PDGFC: variants seen among roughly 807,000 people sequenced by gnomAD.
The protein encoded by PDGFC is platelet-derived growth factor C.
PDGFC carries 12 observed loss-of-function variants against 35.5 expected under a neutral mutation model. That is an observed-to-expected ratio of 0.34 (90% confidence interval 0.22 to 0.55). The LOEUF (loss-of-function observed/expected upper bound fraction) is 0.55. Ranked by LOEUF, PDGFC falls within the 20% of genes least tolerant of loss-of-function variation. PDGFC has a pLI of 0.91. For synonymous variants in PDGFC, 159 were observed against 148.8 expected (o/e 1.07, Z -0.50); for missense variants, 322 against 412.4 (o/e 0.78, Z 1.90).
intron 1 of PDGFC, among the ~76,000 whole-genome samples, chr4:156,954,971 C>T (rs536836188): frequency 3.4e-4 from 52 of 152,100 alleles, no homozygotes; most frequent in African/African-American, 1.2e-3. Flanking sequence ...ACATTTTATT[C>T]TCTGACACTT....
chr4:156,899,909 G>C (rs1730725368), intron 1 of PDGFC, among the ~76,000 whole-genome samples: 1 of 152,120 alleles, frequency 6.6e-6, no homozygotes, highest in African/African-American at 2.4e-5. Context: ...TATTTTAGTA[G>C]ACCTTTCTGC....
At chr4:156,831,439 C>CTT (rs34254264) in intron 2 of PDGFC, among the ~76,000 whole-genome samples, 1,938 of 99,216 alleles carry the variant, frequency 0.02, 132 homozygotes, top group African/African-American at 0.057. Context: ...GAGACCCTGT[C>CTT]TTTTTTTTTT....
intron 1 of PDGFC, among the ~76,000 whole-genome samples, chr4:156,885,149 GCATA>G (rs35354569): frequency 0.053 from 7,312 of 137,410 alleles, 540 homozygotes; most frequent in African/African-American, 0.2. Flanking sequence ...GCATGTATGT[GCATA>G]CATACACACA....
intron 1 of PDGFC, among the ~76,000 whole-genome samples, chr4:156,924,882 G>A (rs1051342149): frequency 4.6e-5 from 7 of 152,048 alleles, no homozygotes; most frequent in Non-Finnish European, 7.4e-5. Context: ...TCTTTTTGCT[G>A]GGCAGCAAAA....
chr4:156,969,891 A>C (rs1477315505), intron 1 of PDGFC, among the ~76,000 whole-genome samples: 1 of 152,232 alleles, frequency 6.6e-6, no homozygotes, highest in Non-Finnish European at 1.5e-5. Context: ...CTATTTACAA[A>C]GTATTCTCAA....
At chr4:156,787,553 G>T (rs889402357) in intron 3 of PDGFC, among the ~76,000 whole-genome samples, 1 of 152,158 alleles carries the variant, frequency 6.6e-6, no homozygotes, top group Non-Finnish European at 1.5e-5. Flanking sequence ...GCTGGATGAC[G>T]ATGTGGGATC....
intron 3 of PDGFC, among the ~76,000 whole-genome samples, chr4:156,805,957 C>G (rs1190570004): frequency 6.6e-6 from 1 of 151,934 alleles, no homozygotes; most frequent in South Asian, 2.1e-4. Flanking sequence ...CTGGCCAGTA[C>G]GCCGTCTGAA....
At chr4:156,799,246 A>C (rs1731530779) in intron 3 of PDGFC, among the ~76,000 whole-genome samples, 1 of 152,276 alleles carries the variant, frequency 6.6e-6, no homozygotes, top group Middle Eastern at 3.4e-3. Flanking sequence ...TTTTATTCAC[A>C]CTTACACAAA....
At chr4:156,962,002 T>C (rs1295801284) in intron 1 of PDGFC, among the ~76,000 whole-genome samples, 1 of 152,138 alleles carries the variant, frequency 6.6e-6, no homozygotes, top group Non-Finnish European at 1.5e-5. Context: ...CAACAAGTAG[T>C]TATCTGCACA....
intron 3 of PDGFC, among the ~76,000 whole-genome samples, chr4:156,786,098 C>T (rs2110863831): frequency 6.6e-6 from 1 of 152,256 alleles, no homozygotes; most frequent in African/African-American, 2.4e-5. Flanking sequence ...CACTAATAGG[C>T]TCTTGATTAT....
At chr4:156,809,438 A>G (rs1731868234) in intron 3 of PDGFC, among the ~76,000 whole-genome samples, 1 of 152,036 alleles carries the variant, frequency 6.6e-6, no homozygotes, top group Admixed American at 6.6e-5. Context: ...CACAAGTCTT[A>G]TGAATCTGAC....
At chr4:156,794,286 G>T (rs1731380519) in intron 3 of PDGFC, among the ~76,000 whole-genome samples, 1 of 152,030 alleles carries the variant, frequency 6.6e-6, no homozygotes, top group Admixed American at 6.5e-5. Flanking sequence ...GAAGAGCATG[G>T]TATATATTAG....
chr4:156,788,111 C>T (rs1731179660), intron 3 of PDGFC, among the ~76,000 whole-genome samples: 1 of 151,994 alleles, frequency 6.6e-6, no homozygotes, highest in Non-Finnish European at 1.5e-5. Context: ...TGAGTATTTC[C>T]AGAGCGTTCT....
At chr4:156,930,864 C>CA (rs780778365) in intron 1 of PDGFC, among the ~76,000 whole-genome samples, 130 of 151,530 alleles carry the variant, frequency 8.6e-4, no homozygotes, top group Admixed American at 1.8e-3. Context: ...AACTCTGTCT[C>CA]AAAAAAATAA....
Position 156,819,401 on chromosome 4 carries a change from G to A in PDGFC, c.315-8384C>T, listed in dbSNP as rs181047528. ...CCCTTGTTAGGGGCTAATGCATCTG[G>A]TGACTTTACGTTGAAGCTAATGCTC... On this transcript the variant is annotated intron_variant, in intron 2 of 5. Transcript: ENST00000502773. Among the ~76,000 whole-genome samples the A allele has an allele frequency of 3.3e-5, 5 of 152,252 alleles. No individual in the cohort carries two copies. The East Asian group carries it at 7.7e-4, about 24-fold the overall frequency.
chr4:156,905,066 T>C (rs1186548504), intron 1 of PDGFC, among the ~76,000 whole-genome samples: 1 of 152,120 alleles, frequency 6.6e-6, no homozygotes, highest in Non-Finnish European at 1.5e-5. Flanking sequence ...ACTATGGGAT[T>C]GGTAAAACCA....
At chr4:156,799,348 A>G (rs1160516859) in intron 3 of PDGFC, among the ~76,000 whole-genome samples, 1 of 152,080 alleles carries the variant, frequency 6.6e-6, no homozygotes, top group Non-Finnish European at 1.5e-5. Flanking sequence ...TTCCCCCCTC[A>G]GTTTTCTGAG....
rs373648568 is a variant in PDGFC, at chr4:156,907,255, GT to G, written c.119-56840del. 2.7e-3 allele frequency among the ~76,000 whole-genome samples: 407 copies of G among 152,170 alleles called. 4 individuals are homozygous for G. Among genetic ancestry groups the G allele is most frequent in the African/African-American group, 9.5e-3 (394 of 41,536 alleles). On this transcript the variant is annotated intron_variant, in intron 1 of 5. Transcript: ENST00000502773. ...TTGTAATGTAAAAAATAAAACCACT[GT>G]TTTTATACATGTTGATTTTTAGCCA...
chr4:156,815,952 T>C (rs1560823563), intron 2 of PDGFC, among the ~76,000 whole-genome samples: 1 of 152,200 alleles, frequency 6.6e-6, no homozygotes, highest in Non-Finnish European at 1.5e-5. Context: ...AGGATTTACG[T>C]TCTTTTATGT....
Sources: allele counts gnomAD v4.1 joint callset (sites outside exome capture counted in the v4.1 genomes callset), GRCh38; gene constraint gnomAD v4.1.1; transcripts MANE v1.5; gene names NCBI Gene and HGNC (gene_info 2026-07-23, HGNC 2026-07-21).